Variants in GALNT3 observed in about 807,000 individuals in gnomAD.
The protein encoded by GALNT3 is GalNAc transferase 3.
A neutral mutation model predicts 69.8 loss-of-function variants in GALNT3; 51 were observed. The ratio of observed to expected loss-of-function variants is 0.73; its 90% CI spans 0.58 to 0.92. The LOEUF (loss-of-function observed/expected upper bound fraction) is 0.92. GALNT3 is among the 40% of genes least tolerant of loss of function. The pLI is 0.00. For synonymous variants in GALNT3, 265 were observed against 248.5 expected, an observed-to-expected ratio of 1.07 and a Z score of -0.63; for missense variants, 711 against 760.0, an observed-to-expected ratio of 0.94 and a Z score of 0.76.
intron 1 of GALNT3, among the ~76,000 whole-genome samples, chr2:165,792,632 T>A (rs1465770964): frequency 1.3e-5 from 2 of 152,206 alleles, no homozygotes; most frequent in Non-Finnish European, 2.9e-5. Context: ...ATTTTTAAAA[T>A]GTGTGGAGAT....
chr2:165,750,365 A>G (rs531548877), intron 9 of GALNT3, among the ~76,000 whole-genome samples: 3 of 152,218 alleles, frequency 2.0e-5, no homozygotes, highest in Non-Finnish European at 4.4e-5. Context: ...GGTTATGAAG[A>G]TAAGTGGGTT....
intron 10 of GALNT3, 100 bp from the exon 11 acceptor site, chr2:165,749,003 C>T: frequency 8.0e-7 from 1 of 1,248,270 alleles, no homozygotes; most frequent in South Asian, 1.3e-5. Flanking sequence ...AACCTAATAG[C>T]AAATCTTTCT....
chr2:165,761,099 C>G (rs1162705982), intron 4 of GALNT3, among the ~76,000 whole-genome samples: 1 of 123,720 alleles, frequency 8.1e-6, no homozygotes, highest in Non-Finnish European at 1.6e-5. Context: ...CTTTTTATGC[C>G]AAGGAGTCTG....
At chr2:165,759,917 A>C (rs977657240) in intron 4 of GALNT3, among the ~76,000 whole-genome samples, 3 of 152,162 alleles carry the variant, frequency 2.0e-5, no homozygotes, top group Non-Finnish European at 4.4e-5. Context: ...ATTATTATTA[A>C]TTACAGTCAC....
intron 2 of GALNT3, among the ~76,000 whole-genome samples, chr2:165,768,055 G>A (rs1688677617): frequency 6.6e-6 from 1 of 151,922 alleles, no homozygotes. Context: ...TGTATTTTTA[G>A]TAGAAATGAG....
At chr2:165,778,907 C>A (rs1377644516) in intron 1 of GALNT3, among the ~76,000 whole-genome samples, 4 of 125,960 alleles carry the variant, frequency 3.2e-5, no homozygotes, top group African/African-American at 1.2e-4. Flanking sequence ...AGCTGGCTCC[C>A]TAGACACCCA....
chr2:165,783,118 A>G (rs764918213), intron 1 of GALNT3, among the ~76,000 whole-genome samples: 4 of 152,122 alleles, frequency 2.6e-5, no homozygotes, highest in South Asian at 2.1e-4. Context: ...TTTTGCTACT[A>G]TGGAATTTCA....
Position 165,750,743 on chromosome 2 carries a change from T to A in GALNT3, c.1627-849A>T, listed in dbSNP as rs552067237. 3.9e-4 allele frequency among the ~76,000 whole-genome samples: 59 copies of A among 152,302 alleles called. 2 individuals carry two copies. In the South Asian group the frequency reaches 0.012, roughly 32 times the overall value. ...CACACTCCTTAATTGGTACATGAAA[T>A]CTTTCTTTTTGATCTTGCATCAATC... On this transcript the variant is annotated intron_variant, in intron 9 of 10. Coordinates refer to ENST00000392701, the MANE Select transcript of GALNT3 (RefSeq NM_004482.4).
chr2:165,758,952 G>T, intron 5 of GALNT3, 88 bp from the exon 6 acceptor site: 1 of 863,900 alleles, frequency 1.2e-6, no homozygotes, highest in Non-Finnish European at 2.0e-6. Flanking sequence ...AAAAATTAAA[G>T]CCATATCACA....
chr2:165,774,337 A>T (rs1314398979), intron 1 of GALNT3, among the ~76,000 whole-genome samples: 1 of 152,214 alleles, frequency 6.6e-6, no homozygotes, highest in Non-Finnish European at 1.5e-5. Context: ...TTTTGACAGA[A>T]CATGGAAAAA....
chr2:165,784,752 C>A (rs182069681), intron 1 of GALNT3, among the ~76,000 whole-genome samples: 2 of 152,062 alleles, frequency 1.3e-5, no homozygotes, highest in African/African-American at 4.8e-5. Flanking sequence ...AAATATGAGA[C>A]AAGAGGCCAG....
At chr2:165,781,902 C>T (rs1406358746) in intron 1 of GALNT3, among the ~76,000 whole-genome samples, 1 of 152,052 alleles carries the variant, frequency 6.6e-6, no homozygotes, top group Non-Finnish European at 1.5e-5. Flanking sequence ...TTTTGGTGGT[C>T]CTTGTAAATT....
chr2:165,752,600 A>G (rs954791630), intron 9 of GALNT3, among the ~76,000 whole-genome samples: 4 of 152,218 alleles, frequency 2.6e-5, no homozygotes, highest in Non-Finnish European at 4.4e-5. Flanking sequence ...GAGCTATCAT[A>G]AAGCTGTTAT....
intron 1 of GALNT3, among the ~76,000 whole-genome samples, chr2:165,785,626 C>T (rs1683203628): frequency 6.6e-6 from 1 of 152,150 alleles, no homozygotes; most frequent in Non-Finnish European, 1.5e-5. Context: ...TCATTCCATG[C>T]ACCATTTTCC....
At chr2:165,766,768 T>A (rs73972166) in intron 2 of GALNT3, among the ~76,000 whole-genome samples, 1 of 108,952 alleles carries the variant, frequency 9.2e-6, no homozygotes. Context: ...TAAAAAAAGA[T>A]ACACAAATTA....
At chr2:165,757,454 G>A (rs1171593825) in intron 6 of GALNT3, among the ~76,000 whole-genome samples, 6 of 152,182 alleles carry the variant, frequency 3.9e-5, no homozygotes, top group African/African-American at 1.4e-4. Context: ...AAAGACAACA[G>A]AAGTGCATTT....
At chr2:165,754,807 T>C in intron 8 of GALNT3, 79 bp from the exon 9 acceptor site, 1 of 1,359,172 alleles carries the variant, frequency 7.4e-7, no homozygotes, top group Non-Finnish European at 1.0e-6. Context: ...TAGAAAGTAA[T>C]GTTAATGATT....
At position 165,762,000 on chromosome 2, in the gene GALNT3, A is replaced by G. The variant is rs1688559109; in HGVS notation, c.743T>C (p.Ile248Thr). The G allele has an allele frequency of 3.1e-6, 5 of 1,606,454 alleles. No individual in the cohort carries two copies. The highest frequency in any genetic ancestry group is 4.3e-6 in the Non-Finnish European group (5 of 1,173,218). The stretch of plus-strand genomic sequence containing the variant: ...ACCTTTTCTTTCTCTTTGTCTGACT[A>G]TTTTTACTATAGAAAATTGTTTTAC... ...EYVKQFSIVKIVRQRERKGLI... is the reference protein window; with the variant it reads ...EYVKQFSIVKTVRQRERKGLI... Residue 248 changes from isoleucine (I) to threonine (T), a missense_variant, in exon 4 of 11, where the codon ATA (isoleucine) becomes ACA (threonine). Physicochemically the swap from Ile to Thr is moderately conservative, Grantham distance 89 (BLOSUM62 -1). Transcript: ENST00000392701.
At chr2:165,777,614 T>G (rs1321648451) in intron 1 of GALNT3, among the ~76,000 whole-genome samples, 1 of 152,172 alleles carries the variant, frequency 6.6e-6, no homozygotes, top group Non-Finnish European at 1.5e-5. Flanking sequence ...TGTAGTTTGT[T>G]AGTTTTGATT....
Sources: allele counts gnomAD v4.1 joint callset (sites outside exome capture counted in the v4.1 genomes callset), GRCh38; gene constraint gnomAD v4.1.1; transcripts MANE v1.5; gene names NCBI Gene and HGNC (gene_info 2026-07-23, HGNC 2026-07-21).